Variants in DAO observed in about 807,000 individuals in gnomAD.
DAO encodes D-amino acid oxidase.
Under a neutral mutation model 50.1 loss-of-function variants are expected in DAO, and 51 were observed. That is an observed-to-expected ratio of 1.02 (90% confidence interval 0.81 to 1.29). The LOEUF (loss-of-function observed/expected upper bound fraction) is 1.29, where lower values mean the gene tolerates loss of function less well. DAO is among the 50% of genes most tolerant of loss of function. DAO has a pLI of 0.00. For synonymous variants in DAO, 160 were observed against 166.2 expected (o/e 0.96, Z 0.29); for missense variants, 436 against 439.4 (o/e 0.99, Z 0.07).
chr12:108,883,517 G>A (rs1163097468), intron 1 of DAO: 3 of 408,440 alleles, frequency 7.3e-6, no homozygotes, highest in Non-Finnish European at 1.5e-5. Context: ...AGACAGGAAG[G>A]AGGCTGCTGT....
At chr12:108,885,340 G>C in intron 2 of DAO, 140 bp downstream of exon 2, 1 of 825,078 alleles carries the variant, frequency 1.2e-6, no homozygotes, top group Non-Finnish European at 1.9e-6. Flanking sequence ...CAGGCGTGGT[G>C]GTTCACGCCT....
intron 1 of DAO, among the ~76,000 whole-genome samples, chr12:108,881,736 C>A (rs893863296): frequency 1.3e-5 from 2 of 151,412 alleles, no homozygotes; most frequent in Non-Finnish European, 2.9e-5. Context: ...TCCCGAGTAG[C>A]TGGAATTTCA....
rs1256529279 is a variant in DAO at position 108,880,794 on chromosome 12, C to T, written c.-10+570C>T. ...CAAAGGCATCAGCTGTCTCAGATTG[C>T]CTTCTAGGGGACAAGGGAGGTCCTA... On this transcript the variant is annotated intron_variant, in intron 1 of 10. Transcript: ENST00000228476. Among the ~76,000 whole-genome samples the T allele has an allele frequency of 3.9e-5, 6 of 152,036 alleles. No individual in the cohort carries two copies. In the South Asian group the frequency reaches 6.2e-4, roughly 16 times the overall value.
At position 108,882,640 on chromosome 12, in the gene DAO, G is replaced by A. The variant is rs191575487; in HGVS notation, c.-9-2358G>A. ...AGTCTGCATCCTGGGAGGACCCTCAGCCCTGGGCAAGCTGGGGAGGTTGGT... is the reference window on the plus strand; with the variant it reads ...AGTCTGCATCCTGGGAGGACCCTCAACCCTGGGCAAGCTGGGGAGGTTGGT... On this transcript the variant is annotated intron_variant, in intron 1 of 10. Transcript: ENST00000228476. 2.2e-3 allele frequency among the ~76,000 whole-genome samples: 335 copies of A among 152,274 alleles called. 1 individual carries two copies. The highest frequency in any genetic ancestry group is 7.4e-3 in the African/African-American group (308 of 41,564).
intron 5 of DAO, among the ~76,000 whole-genome samples, chr12:108,891,760 A>G (rs1229970302): frequency 2.0e-5 from 3 of 151,932 alleles, no homozygotes; most frequent in Non-Finnish European, 2.9e-5. Flanking sequence ...CACAATGCCT[A>G]TCTAATTTTT....
rs201583577 is a variant in DAO at position 108,889,502 on chromosome 12, C to T, written c.343C>T (p.Arg115Trp). Residue 115 changes from arginine to tryptophan, a missense_variant, in exon 4 of 11, where the codon CGG (arginine) becomes TGG (tryptophan). Arg to Trp is a moderately radical substitution (Grantham distance 101). Coordinates refer to ENST00000228476, the MANE Select transcript of DAO (RefSeq NM_001917.5). The stretch of plus-strand genomic sequence containing the variant: ...CTGGAAGGACACAGTTCTGGGATTT[C>T]GGAAGCTGACCCCCAGAGAGCTGGA... ...PSWKDTVLGFRKLTPRELDMF... is the reference protein window; with the variant it reads ...PSWKDTVLGFWKLTPRELDMF... 491 of 1,612,856 alleles carry T rather than the reference C, an allele frequency of 3.0e-4. No homozygotes were observed. The highest frequency in any genetic ancestry group is 4.0e-4 in the Non-Finnish European group (470 of 1,179,334).
chr12:108,898,500 C>T (rs1395089709), intron 8 of DAO, 179 bp from the exon 9 acceptor site: 2 of 682,150 alleles, frequency 2.9e-6, no homozygotes, highest in Non-Finnish European at 5.4e-6. Flanking sequence ...ATGGAGATGA[C>T]AACATTGATG....
intron 7 of DAO, 111 bp from the exon 8 acceptor site, chr12:108,896,895 A>G (rs1485834016): frequency 2.4e-6 from 2 of 818,594 alleles, no homozygotes; most frequent in Non-Finnish European, 4.3e-6. Context: ...GAGAGGTCTT[A>G]TAAGGAATCA....
rs1470257711 is a variant in DAO at position 108,889,534 on chromosome 12, C to T, written c.375C>T (p.Phe125=). The T allele has an allele frequency of 3.1e-6, 5 of 1,612,416 alleles. No individual in the cohort carries two copies. The highest frequency in any genetic ancestry group is 4.2e-6 in the Non-Finnish European group (5 of 1,178,870). The change falls in exon 4 of 11, where the codon TTC becomes TTT. Residue 125 remains phenylalanine, a synonymous_variant. Coordinates refer to ENST00000228476, the MANE Select transcript of DAO (RefSeq NM_001917.5). ...RKLTPRELDM[F]PDYGYGWFHT... ...TGACCCCCAGAGAGCTGGATATGTTCCCAGATTACGGGTGAGTTTATTGTC... is the reference window on the plus strand; with the variant it reads ...TGACCCCCAGAGAGCTGGATATGTTTCCAGATTACGGGTGAGTTTATTGTC...
intron 1 of DAO, among the ~76,000 whole-genome samples, chr12:108,884,373 C>T (rs2039411305): frequency 6.6e-6 from 1 of 152,214 alleles, no homozygotes; most frequent in African/African-American, 2.4e-5. Flanking sequence ...GGACTGATAA[C>T]AGCAGCCCCT....
rs1334863625 is a variant in DAO, at chr12:108,887,455, G to A, written c.200G>A (p.Trp67Ter). 1.9e-6 allele frequency: 3 copies of A among 1,613,304 alleles called. No homozygotes were observed. The highest frequency in any genetic ancestry group is 2.2e-5 in the South Asian group (2 of 91,056). ...SDPNNPQEAD[W>*]SQQTFDYLLS... is the part of the protein sequence containing the mutation. The stretch of plus-strand genomic sequence containing the variant: ...ACTCTTCATGACCCTTCCAGGGACT[G>A]GAGCCAACAGACCTTTGACTATCTC... The change falls in exon 3 of 11, where the codon TGG (tryptophan) becomes TAG (stop). Residue 67 changes from tryptophan to a stop codon, truncating the protein, a stop_gained. Coordinates refer to ENST00000228476, the MANE Select transcript of DAO (RefSeq NM_001917.5). LOFTEE classifies it high-confidence loss of function.
In DAO at chr12:108,891,374, C is replaced by T. The variant is rs140681656; in HGVS notation, c.452+1101C>T. ...CTGAGGTGGGAGGATGGCTTTATCC[C>T]GGGAAGGAGAGGCTGCAGTGAGCTG... On this transcript the variant is annotated intron_variant, in intron 5 of 10. Transcript: ENST00000228476. 6.8e-4 allele frequency among the ~76,000 whole-genome samples: 102 copies of T among 150,454 alleles called. No homozygotes were observed. The East Asian group carries it at 0.017, about 25-fold the overall frequency.
At chr12:108,896,419 CAAAAAAAA>C (rs386377704) in intron 7 of DAO, among the ~76,000 whole-genome samples, 4 of 59,562 alleles carry the variant, frequency 6.7e-5, no homozygotes, top group Non-Finnish European at 9.8e-5. Context: ...GAGGCTGTCT[CAAAAAAAA>C]AAAAAAAAAA....
rs866383631 is a variant in DAO, at chr12:108,898,002, G to A, written c.696-677G>A. Among the ~76,000 whole-genome samples, 8 of 152,108 alleles carry A rather than the reference G, an allele frequency of 5.3e-5. 1 individual carries two copies. The Middle Eastern group carries it at 0.014, about 259-fold the overall frequency. ...TAATGGGAGTGGGAATGGGAATGGT[G>A]ATTGGGGCTGATGGTGATGATAATG... On this transcript the variant is annotated intron_variant, in intron 8 of 10. Coordinates refer to ENST00000228476, the MANE Select transcript of DAO (RefSeq NM_001917.5).
chr12:108,884,771 C>T (rs1403327290), intron 1 of DAO, among the ~76,000 whole-genome samples: 1 of 152,110 alleles, frequency 6.6e-6, no homozygotes, highest in Non-Finnish European at 1.5e-5. Flanking sequence ...ATTCACCAGC[C>T]GTGTGACTGT....
intron 9 of DAO, 38 bp downstream of exon 9, chr12:108,898,834 TC>T (rs757719528): frequency 7.0e-7 from 1 of 1,423,676 alleles, no homozygotes; most frequent in African/African-American, 1.4e-5. Flanking sequence ...TAAACCAAGG[TC>T]GTGGGAGCTT....
At chr12:108,892,881 G>T in intron 5 of DAO, 101 bp from the exon 6 acceptor site, 1 of 1,009,752 alleles carries the variant, frequency 9.9e-7, no homozygotes, top group Non-Finnish European at 1.6e-6. Flanking sequence ...TGCAACTAAC[G>T]TCCGCAGAAG....
At chr12:108,897,229 T>G (rs2039569758) in intron 8 of DAO, 141 bp downstream of exon 8, 1 of 685,372 alleles carries the variant, frequency 1.5e-6, no homozygotes, top group Non-Finnish European at 2.6e-6. Context: ...TTATTATTAT[T>G]TTTTGAGACA....
intron 3 of DAO, among the ~76,000 whole-genome samples, chr12:108,888,049 C>A (rs1427311194): frequency 6.6e-6 from 1 of 152,214 alleles, no homozygotes; most frequent in Non-Finnish European, 1.5e-5. Context: ...TCCTTATCCT[C>A]ACTTAATAAA....
Sources: allele counts gnomAD v4.1 joint callset (sites outside exome capture counted in the v4.1 genomes callset), GRCh38; gene constraint gnomAD v4.1.1; transcripts MANE v1.5; gene names NCBI Gene and HGNC (gene_info 2026-07-23, HGNC 2026-07-21).